Variants in MLLT10 observed in about 807,000 individuals in gnomAD.
MLLT10 encodes protein AF-10.
In MLLT10, 30 loss-of-function variants were observed where a neutral mutation model predicts 129.1. That is an observed-to-expected ratio of 0.23 (90% CI 0.17 to 0.32). MLLT10 has a LOEUF of 0.32. MLLT10 is among the 10% of genes least tolerant of loss of function. MLLT10 has a pLI of 1.00. For synonymous variants in MLLT10, 490 were observed against 446.4 expected, an observed-to-expected ratio of 1.10 and a Z score of -1.23; for missense variants, 1,119 against 1,268.3, an observed-to-expected ratio of 0.88 and a Z score of 1.79.
intron 13 of MLLT10, among the ~76,000 whole-genome samples, chr10:21,690,830 C>G (rs541329256): frequency 6.6e-6 from 1 of 152,056 alleles, no homozygotes; most frequent in South Asian, 2.1e-4. Flanking sequence ...GTTTTCAAAA[C>G]TCTTCTTTTG....
At chr10:21,702,115 C>T (rs1381686637) in intron 13 of MLLT10, among the ~76,000 whole-genome samples, 29 of 150,684 alleles carry the variant, frequency 1.9e-4, no homozygotes, top group East Asian at 2.0e-4. Flanking sequence ...TTAGTAGAGA[C>T]GGGATTTCAC....
intron 5 of MLLT10, among the ~76,000 whole-genome samples, chr10:21,607,318 C>CTTTTT (rs34563495): frequency 4.0e-5 from 5 of 124,040 alleles, no homozygotes; most frequent in East Asian, 2.2e-4. Flanking sequence ...GTACTCTATG[C>CTTTTT]TTTTTTTTTT....
At chr10:21,680,081 A>G (rs767515808) in intron 11 of MLLT10, among the ~76,000 whole-genome samples, 1 of 152,050 alleles carries the variant, frequency 6.6e-6, no homozygotes, top group Non-Finnish European at 1.5e-5. Flanking sequence ...TCATATTCTG[A>G]GCAGATTTTG....
At chr10:21,637,736 G>T (rs767083727) in intron 8 of MLLT10, among the ~76,000 whole-genome samples, 2 of 152,176 alleles carry the variant, frequency 1.3e-5, no homozygotes, top group African/African-American at 2.4e-5. Context: ...AACTGATCTT[G>T]ATCCTTAGGT....
chr10:21,670,376 G>GTGGC (rs2051269662), intron 9 of MLLT10, 73 bp from the exon 10 acceptor site: 1 of 1,402,986 alleles, frequency 7.1e-7, no homozygotes, highest in African/African-American at 1.4e-5. Context: ...TCTTATTAAT[G>GTGGC]TGGCACCCAT....
chr10:21,678,781 A>T (rs1252337998), intron 11 of MLLT10, among the ~76,000 whole-genome samples: 1 of 152,186 alleles, frequency 6.6e-6, no homozygotes, highest in African/African-American at 2.4e-5. Context: ...TGGCAATGCT[A>T]ATATAATCTC....
chr10:21,717,852 T>TCTCCTCCTCCTCCTCCTCCTCCTC, intron 14 of MLLT10, among the ~76,000 whole-genome samples: 1 of 76,926 alleles, frequency 1.3e-5, no homozygotes, highest in South Asian at 4.6e-4. Flanking sequence ...TCCTCCTCCT[T>TCTCCTCCTCCTCCTCCTCCTCCTC]CTCCTCCTCC....
At chr10:21,583,305 G>A (rs953987290) in intron 3 of MLLT10, among the ~76,000 whole-genome samples, 1 of 152,190 alleles carries the variant, frequency 6.6e-6, no homozygotes, top group African/African-American at 2.4e-5. Flanking sequence ...TTTGGACAAT[G>A]AGTAAGATTG....
intron 9 of MLLT10, among the ~76,000 whole-genome samples, chr10:21,652,011 C>A (rs989702641): frequency 2.1e-5 from 3 of 140,668 alleles, no homozygotes; most frequent in African/African-American, 7.9e-5. Flanking sequence ...TTACCTGGTT[C>A]AAGTGATTCT....
rs2051712322 is a variant in MLLT10 at position 21,673,376 on chromosome 10, G to T, written c.1078G>T (p.Val360Leu). Residue 360 changes from valine to leucine, a missense_variant, in exon 11 of 23, where the codon GTA (valine) becomes TTA (leucine). This residue lies in a region of MLLT10 where 1,004 missense variants were observed against 1,008.7 expected (regional missense o/e 1.00). Transcript: ENST00000307729. ...QGSFSGTPGS[V>L]KSSSGSSVQS... ...CAGTTTTTCAGGAACTCCAGGCAGT[G>T]TAAAGTCATCTTCTGGAAGTTCAGT... 1 of 1,295,538 alleles carries T rather than the reference G, an allele frequency of 7.7e-7. No individual in the cohort carries two copies. The highest frequency in any genetic ancestry group is 1.0e-6 in the Non-Finnish European group (1 of 988,170). 80.3% of individuals were successfully genotyped at this position (1,295,538 alleles called of 1,614,324 possible).
chr10:21,697,187 C>A (rs1271355093), intron 13 of MLLT10, among the ~76,000 whole-genome samples: 1 of 150,640 alleles, frequency 6.6e-6, no homozygotes, highest in Non-Finnish European at 1.5e-5. Context: ...CAGAAATAGG[C>A]CGGGCATGGT....
intron 13 of MLLT10, among the ~76,000 whole-genome samples, chr10:21,696,774 G>A (rs892427939): frequency 6.6e-6 from 1 of 151,886 alleles, no homozygotes. Flanking sequence ...CCAGAATTTG[G>A]TACTTAAAAT....
intron 8 of MLLT10, among the ~76,000 whole-genome samples, chr10:21,631,313 C>CAAAAAAAAAA (rs991306894): frequency 5.0e-4 from 24 of 47,718 alleles, no homozygotes; most frequent in South Asian, 8.6e-4. Flanking sequence ...GACTCCGTCT[C>CAAAAAAAAAA]AAAAAAAAAA....
intron 8 of MLLT10, among the ~76,000 whole-genome samples, chr10:21,642,379 G>A (rs964813911): frequency 5.6e-5 from 8 of 143,734 alleles, no homozygotes; most frequent in Non-Finnish European, 7.6e-5. Flanking sequence ...AGAAGTAGCC[G>A]GGCGCGGTGG....
intron 8 of MLLT10, among the ~76,000 whole-genome samples, chr10:21,643,296 G>GT (rs1219168813): frequency 6.6e-6 from 1 of 152,218 alleles, no homozygotes; most frequent in African/African-American, 2.4e-5. Context: ...GCCTTCCAAA[G>GT]TACTGGGGTT....
rs573984740 is a variant in MLLT10, at chr10:21,650,599, C to G, written c.700-1074C>G. On this transcript the variant is annotated intron_variant, in intron 8 of 22. Transcript: ENST00000307729. ...ATGGCTTGAAAAGATTAAGGGCCCT[C>G]AATGGTCTGATTTAAGCTTCATGAG... is the stretch of plus-strand genomic sequence containing the variant. 2.0e-5 allele frequency among the ~76,000 whole-genome samples: 3 copies of G among 151,868 alleles called. No homozygotes were observed. In the South Asian group the frequency reaches 6.2e-4, roughly 32 times the overall value.
intron 9 of MLLT10, among the ~76,000 whole-genome samples, chr10:21,659,372 A>G (rs1289432791): frequency 6.6e-6 from 1 of 152,216 alleles, no homozygotes; most frequent in Non-Finnish European, 1.5e-5. Flanking sequence ...ACCATAAAAA[A>G]AGTTACTGTA....
chr10:21,596,943 G>A (rs1399017060), intron 5 of MLLT10, among the ~76,000 whole-genome samples: 3 of 151,576 alleles, frequency 2.0e-5, no homozygotes, highest in South Asian at 2.1e-4. Flanking sequence ...TTACATTTTC[G>A]AGGTAATTTA....
chr10:21,568,064 C>G (rs1460542848), intron 3 of MLLT10, among the ~76,000 whole-genome samples: 1 of 152,122 alleles, frequency 6.6e-6, no homozygotes, highest in Non-Finnish European at 1.5e-5. Flanking sequence ...GTGATCCACC[C>G]GCCTTGGCCT....
Sources: gnomAD v4.1 joint callset for allele counts (sites outside exome capture counted in the v4.1 genomes callset) on GRCh38, gnomAD v4.1.1 for gene constraint, gnomAD v4.1.1 regional missense constraint, MANE v1.5 for transcripts, NCBI Gene and HGNC (gene_info 2026-07-23, HGNC 2026-07-21) for gene names.